SYNDIG1: variants seen among roughly 807,000 people sequenced by gnomAD.
SYNDIG1 encodes synapse differentiation inducing 1.
A neutral mutation model predicts 19.4 loss-of-function variants in SYNDIG1; 9 were observed. The ratio of observed to expected loss-of-function variants is 0.46; its 90% CI spans 0.28 to 0.81. SYNDIG1 has a LOEUF of 0.81. Ranked by LOEUF, SYNDIG1 falls within the 30% of genes least tolerant of loss-of-function variation. The pLI is 0.12. For synonymous variants in SYNDIG1, 141 were observed against 145.9 expected (o/e 0.97, Z 0.24); for missense variants, 311 against 343.3 (o/e 0.91, Z 0.74).
intron 3 of SYNDIG1, among the ~76,000 whole-genome samples, chr20:24,597,326 A>T (rs1345851330): frequency 6.6e-6 from 1 of 152,200 alleles, no homozygotes; most frequent in African/African-American, 2.4e-5. Context: ...TGTTCCTGCT[A>T]TACTATTTCA....
intron 2 of SYNDIG1, among the ~76,000 whole-genome samples, chr20:24,572,825 T>C (rs2058166537): frequency 6.6e-6 from 1 of 152,204 alleles, no homozygotes. Context: ...GTGCAGTGGT[T>C]GCCAGGGGTT....
intron 1 of SYNDIG1, among the ~76,000 whole-genome samples, chr20:24,478,429 C>A (rs372058364): frequency 6.6e-6 from 1 of 152,236 alleles, no homozygotes; most frequent in African/African-American, 2.4e-5. Flanking sequence ...GCTTCCCCAA[C>A]GTGCCGTCCA....
At chr20:24,584,288 A>G (rs1161025341) in intron 2 of SYNDIG1, among the ~76,000 whole-genome samples, 1 of 152,182 alleles carries the variant, frequency 6.6e-6, no homozygotes, top group Non-Finnish European at 1.5e-5. Flanking sequence ...GAGAAACTTA[A>G]AAGAGAGATT....
At chr20:24,525,497 T>A (rs185401541) in intron 1 of SYNDIG1, among the ~76,000 whole-genome samples, 1 of 152,226 alleles carries the variant, frequency 6.6e-6, no homozygotes, top group East Asian at 1.9e-4. Flanking sequence ...TGGGCCAGGC[T>A]GGTCTCGAAC....
intron 3 of SYNDIG1, among the ~76,000 whole-genome samples, chr20:24,649,393 A>C (rs1187490343): frequency 6.6e-6 from 1 of 152,180 alleles, no homozygotes; most frequent in Non-Finnish European, 1.5e-5. Flanking sequence ...CATCCTTAGC[A>C]ACGATCTTTG....
chr20:24,576,819 C>G (rs541034204), intron 2 of SYNDIG1, among the ~76,000 whole-genome samples: 1 of 152,106 alleles, frequency 6.6e-6, no homozygotes, highest in African/African-American at 2.4e-5. Flanking sequence ...CATGGACGTC[C>G]GTAAGGATTC....
intron 2 of SYNDIG1, among the ~76,000 whole-genome samples, chr20:24,544,003 C>T: frequency 6.6e-6 from 1 of 152,158 alleles, no homozygotes; most frequent in East Asian, 1.9e-4. Context: ...ACCTGTGGTT[C>T]CTTGACTTTG....
intron 1 of SYNDIG1, among the ~76,000 whole-genome samples, chr20:24,541,952 A>C (rs920136063): frequency 3.2e-4 from 48 of 152,322 alleles, no homozygotes; most frequent in African/African-American, 1.1e-3. Flanking sequence ...GGATGAACCC[A>C]GGCCCAGGGA....
chr20:24,496,204 AC>A (rs1367233701), intron 1 of SYNDIG1, among the ~76,000 whole-genome samples: 1 of 152,104 alleles, frequency 6.6e-6, no homozygotes, highest in Non-Finnish European at 1.5e-5. Context: ...AAGAGAGGGA[AC>A]CCATCCTTCG....
At chr20:24,512,611 G>A (rs1472008250) in intron 1 of SYNDIG1, among the ~76,000 whole-genome samples, 5 of 152,162 alleles carry the variant, frequency 3.3e-5, no homozygotes, top group Non-Finnish European at 7.3e-5. Context: ...TGCCATTGCT[G>A]AGGCTTGAGT....
At chr20:24,588,795 A>G (rs750866188) in intron 3 of SYNDIG1, among the ~76,000 whole-genome samples, 2 of 152,228 alleles carry the variant, frequency 1.3e-5, no homozygotes. Flanking sequence ...TACATGCATT[A>G]TCTCATAGGA....
chr20:24,541,392 G>T (rs1323002798), intron 1 of SYNDIG1, among the ~76,000 whole-genome samples: 1 of 152,302 alleles, frequency 6.6e-6, no homozygotes, highest in East Asian at 1.9e-4. Context: ...AGCTGTGCAT[G>T]TTAGTAACTC....
intron 3 of SYNDIG1, among the ~76,000 whole-genome samples, chr20:24,636,178 A>G (rs930027865): frequency 2.0e-5 from 3 of 152,138 alleles, no homozygotes; most frequent in Non-Finnish European, 2.9e-5. Context: ...GGGTACTTCA[A>G]TTTTCATGAG....
intron 1 of SYNDIG1, among the ~76,000 whole-genome samples, chr20:24,483,041 A>G (rs2055842172): frequency 6.6e-6 from 1 of 152,272 alleles, no homozygotes; most frequent in Admixed American, 6.5e-5. Context: ...CTATTTAAAC[A>G]CATATCTATC....
intron 1 of SYNDIG1, among the ~76,000 whole-genome samples, chr20:24,506,697 T>A (rs1194173867): frequency 1.3e-5 from 2 of 152,140 alleles, no homozygotes; most frequent in African/African-American, 4.8e-5. Context: ...GGGTTCCCTC[T>A]GGTTTATTTC....
intron 1 of SYNDIG1, among the ~76,000 whole-genome samples, chr20:24,526,710 G>C (rs1448690861): frequency 6.6e-6 from 1 of 152,100 alleles, no homozygotes; most frequent in Non-Finnish European, 1.5e-5. Context: ...TCTTCCTAAA[G>C]TGCATCCTTT....
intron 1 of SYNDIG1, among the ~76,000 whole-genome samples, chr20:24,521,510 C>T (rs754143723): frequency 3.9e-4 from 60 of 152,132 alleles, no homozygotes; most frequent in Non-Finnish European, 5.7e-4. Flanking sequence ...TCACTGGCAA[C>T]GCACAGGGTT....
chr20:24,587,490 T>C (rs1295583465), intron 3 of SYNDIG1, among the ~76,000 whole-genome samples: 2 of 152,230 alleles, frequency 1.3e-5, no homozygotes, highest in African/African-American at 4.8e-5. Flanking sequence ...ACCAGGCTGC[T>C]GAGCATTCTG....
chr20:24,477,121 G>A (rs1040972645), intron 1 of SYNDIG1, among the ~76,000 whole-genome samples: 2 of 152,130 alleles, frequency 1.3e-5, no homozygotes, highest in Non-Finnish European at 2.9e-5. Flanking sequence ...TTTCTGATTT[G>A]CCACATACCT....
Sources: allele counts gnomAD v4.1 joint callset (sites outside exome capture counted in the v4.1 genomes callset), GRCh38; gene constraint gnomAD v4.1.1; transcripts MANE v1.5; gene names NCBI Gene and HGNC (gene_info 2026-07-23, HGNC 2026-07-21).